ARHGEF16: variants seen among roughly 807,000 people sequenced by gnomAD.
ARHGEF16 encodes the protein Rho guanine nucleotide exchange factor 16, also known as Rho guanine exchange factor (GEF) 16.
In ARHGEF16, 59 loss-of-function variants were observed where a neutral mutation model predicts 74.1. The ratio of observed to expected loss-of-function variants is 0.80; its 90% CI spans 0.65 to 0.99. ARHGEF16 has a LOEUF of 0.99. Ranked by LOEUF, ARHGEF16 falls within the 50% of genes least tolerant of loss-of-function variation. The pLI is 0.00. For synonymous variants in ARHGEF16, 415 were observed against 412.6 expected (o/e 1.01, Z -0.07); for missense variants, 948 against 986.6 (o/e 0.96, Z 0.52).
In ARHGEF16 at chr1:3,480,854, C is replaced by CTG; in HGVS notation, c.*267_*268insTG. ...ATTCCCGTTGGCTGGCTGGGCCCCT[C>CTG]AGCTGCTGGGCCCCACCTCCCCACT... is the stretch of plus-strand genomic sequence containing the variant. On this transcript the variant is annotated 3_prime_UTR_variant, in exon 15 of 15. Coordinates refer to ENST00000378378, the MANE Select transcript of ARHGEF16 (RefSeq NM_014448.4). 1 of 521,088 alleles carries CTG rather than the reference C, an allele frequency of 1.9e-6. No individual in the cohort carries two copies. Among genetic ancestry groups the CTG allele is most frequent in the East Asian group, 3.3e-5 (1 of 29,952 alleles). The allele number at this position is 521,088 out of a possible 1,614,324, so 32.3% of individuals were successfully genotyped here.
chr1:3,459,654 C>T (rs1051290638), intron 1 of ARHGEF16, among the ~76,000 whole-genome samples: 4 of 152,094 alleles, frequency 2.6e-5, no homozygotes, highest in Non-Finnish European at 4.4e-5. Flanking sequence ...AGCTGGCCTG[C>T]CAGACATATA....
Position 3,466,189 on chromosome 1 carries a change from G to A in ARHGEF16, c.630G>A (p.Lys210=). The change falls in exon 3 of 15, where the codon AAG becomes AAA. Residue 210 remains lysine, a synonymous_variant. Transcript: ENST00000378378. ...GRKRGHKGSF[K]DDPQLYQEIQ... ...AACGTGGGCACAAGGGTTCCTTCAA[G>A]GACGGTGAGTGTGGCTTCGGGAGGC... 2 of 1,543,700 alleles carry A rather than the reference G, an allele frequency of 1.3e-6. No homozygotes were observed. Among genetic ancestry groups the A allele is most frequent in the Non-Finnish European group, 1.7e-6 (2 of 1,143,914 alleles).
At chr1:3,456,563 G>C (rs989827689) in intron 1 of ARHGEF16, among the ~76,000 whole-genome samples, 1 of 152,202 alleles carries the variant, frequency 6.6e-6, no homozygotes, top group African/African-American at 2.4e-5. Flanking sequence ...TCCCACCCCC[G>C]CAGGCCACAT....
chr1:3,474,219 A>G (rs952012307), intron 8 of ARHGEF16: 2 of 203,200 alleles, frequency 9.8e-6, no homozygotes, highest in East Asian at 2.4e-4. Flanking sequence ...GTGCACACAC[A>G]TACACGTGGA....
intron 6 of ARHGEF16, among the ~76,000 whole-genome samples, chr1:3,472,166 A>T (rs1639744005): frequency 6.6e-6 from 1 of 152,150 alleles, no homozygotes; most frequent in Non-Finnish European, 1.5e-5. Flanking sequence ...CGGCCTGGAG[A>T]CACGGATGTG....
intron 12 of ARHGEF16, among the ~76,000 whole-genome samples, 194 bp downstream of exon 12, chr1:3,478,806 C>T (rs369129120): frequency 1.5e-4 from 22 of 151,350 alleles, no homozygotes; most frequent in East Asian, 5.8e-4. Flanking sequence ...TTTATGTTCC[C>T]GGGAGGGGAC....
rs575051631 is a variant in ARHGEF16, at chr1:3,461,697, G to A, written c.-19-1369G>A. On this transcript the variant is annotated intron_variant, in intron 1 of 14. Coordinates refer to ENST00000378378, the MANE Select transcript of ARHGEF16 (RefSeq NM_014448.4). ...CAGGAGGTGATGTGTAGCCACAACA[G>A]CCCCGCAAAGTGCCTGGAAACAGAC... Among the ~76,000 whole-genome samples the A allele has an allele frequency of 1.2e-4, 18 of 152,320 alleles. No homozygotes were observed. In the East Asian group the frequency reaches 3.3e-3, roughly 28 times the overall value.
chr1:3,459,785 C>T (rs36115208), intron 1 of ARHGEF16, among the ~76,000 whole-genome samples: 171 of 152,320 alleles, frequency 1.1e-3, no homozygotes, highest in African/African-American at 4.0e-3. Flanking sequence ...AGGCCCTGCC[C>T]TGGGGCTCAG....
chr1:3,460,120 T>TG (rs879901102), intron 1 of ARHGEF16, among the ~76,000 whole-genome samples: 2 of 152,144 alleles, frequency 1.3e-5, no homozygotes, highest in African/African-American at 2.4e-5. Context: ...AGCCGGCTCC[T>TG]GGGGGGCTCT....
At chr1:3,473,767 A>C in intron 8 of ARHGEF16, 3 of 634,228 alleles carry the variant, frequency 4.7e-6, no homozygotes, top group Non-Finnish European at 7.9e-6. Flanking sequence ...CACTTACTCA[A>C]TGGTTCATGA....
intron 1 of ARHGEF16, among the ~76,000 whole-genome samples, chr1:3,457,022 A>C (rs1278418676): frequency 6.6e-6 from 1 of 152,228 alleles, no homozygotes; most frequent in Non-Finnish European, 1.5e-5. Context: ...AGCCTTGCCA[A>C]CCAGTAGCCA....
At chr1:3,470,615 G>A (rs1206388378) in intron 6 of ARHGEF16, among the ~76,000 whole-genome samples, 1 of 148,734 alleles carries the variant, frequency 6.7e-6, no homozygotes. Flanking sequence ...GTGTGAGTGG[G>A]TGTGTGTGCG....
At chr1:3,458,575 C>T (rs1203048754) in intron 1 of ARHGEF16, among the ~76,000 whole-genome samples, 2 of 152,228 alleles carry the variant, frequency 1.3e-5, no homozygotes, top group Non-Finnish European at 2.9e-5. Flanking sequence ...TGGGCCCTCC[C>T]GGTCAGACAC....
At chr1:3,474,533 C>G in intron 8 of ARHGEF16, 175 bp from the exon 9 acceptor site, 1 of 615,178 alleles carries the variant, frequency 1.6e-6, no homozygotes, top group Non-Finnish European at 2.9e-6. Context: ...CCTGGCAGAG[C>G]TCCAGGTGGT....
At chr1:3,477,201 C>T (rs986428997) in intron 10 of ARHGEF16, among the ~76,000 whole-genome samples, 1 of 139,018 alleles carries the variant, frequency 7.2e-6, no homozygotes, top group African/African-American at 2.7e-5. Flanking sequence ...GAGGAGGTGT[C>T]AACAGTCGCT....
intron 6 of ARHGEF16, among the ~76,000 whole-genome samples, chr1:3,472,449 C>T (rs974152642): frequency 2.1e-4 from 32 of 152,078 alleles, no homozygotes; most frequent in Non-Finnish European, 3.5e-4. Context: ...GGCCCCCCCC[C>T]GGCCTTGACT....
chr1:3,463,648 T>C lies in ARHGEF16; in HGVS notation c.564T>C (p.His188=), dbSNP rs1253533811. The C allele has an allele frequency of 7.1e-7, 1 of 1,413,806 alleles. No individual in the cohort carries two copies. The highest frequency in any genetic ancestry group is 9.3e-7 in the Non-Finnish European group (1 of 1,077,876). The allele number at this position is 1,413,806 out of a possible 1,614,324, so 87.6% of individuals were successfully genotyped here. A position where few individuals can be genotyped will look rare whatever the true frequency, so the allele number is the denominator to read the frequency against. ...TGGCTGAGGAACCCAGCCAGCCTCATACTCGGAGCCCGGCCAAAAACAAGG... is the reference window on the plus strand; with the variant it reads ...TGGCTGAGGAACCCAGCCAGCCTCACACTCGGAGCCCGGCCAAAAACAAGG... The part of the protein sequence containing the change: ...QALAEEPSQP[H]TRSPAKNKKT... The change falls in exon 2 of 15, where the codon CAT becomes CAC. Residue 188 remains histidine, a synonymous_variant. Transcript: ENST00000378378.
chr1:3,466,838 G>C (rs1639560264), intron 3 of ARHGEF16: 1 of 252,178 alleles, frequency 4.0e-6, no homozygotes, highest in Non-Finnish European at 7.6e-6. Flanking sequence ...GGGCCCAGGA[G>C]GGGGTACCCA....
intron 1 of ARHGEF16, among the ~76,000 whole-genome samples, chr1:3,455,962 A>G (rs1639256849): frequency 6.6e-6 from 1 of 152,156 alleles, no homozygotes; most frequent in African/African-American, 2.4e-5. Flanking sequence ...GATGAAAGGT[A>G]CTGTCCAGAG....
Sources: gnomAD v4.1 joint callset for allele counts (sites outside exome capture counted in the v4.1 genomes callset) on GRCh38, gnomAD v4.1.1 for gene constraint, MANE v1.5 for transcripts, NCBI Gene and HGNC (gene_info 2026-07-23, HGNC 2026-07-21) for gene names.